The following PTPRD variants were observed in gnomAD, a reference collection of about 807,000 sequenced individuals.
The protein encoded by PTPRD is receptor-type tyrosine-protein phosphatase delta.
A neutral mutation model predicts 214.5 loss-of-function variants in PTPRD; 34 were observed. The ratio of observed to expected loss-of-function variants is 0.16; its 90% confidence interval spans 0.12 to 0.21. The LOEUF (loss-of-function observed/expected upper bound fraction) is 0.21, where lower values mean the gene tolerates loss of function less well. Ranked by LOEUF, PTPRD falls within the 10% of genes least tolerant of loss-of-function variation. PTPRD has a pLI of 1.00. For missense variants in PTPRD, 2,545 were observed against 2,398.7 expected (o/e 1.06, Z -1.27); for synonymous variants, 1,128 against 845.7 (o/e 1.33, Z -5.79).
At chr9:9,402,974 A>C (rs2071349066) in intron 8 of PTPRD, among the ~76,000 whole-genome samples, 3 of 145,258 alleles carry the variant, frequency 2.1e-5, no homozygotes, top group Non-Finnish European at 3.0e-5. Context: ...GAGAAAAAAA[A>C]AAAAAAAAAA....
chr9:9,981,748 G>C (rs1189866919), intron 4 of PTPRD, among the ~76,000 whole-genome samples: 1 of 152,050 alleles, frequency 6.6e-6, no homozygotes, highest in Admixed American at 6.6e-5. Context: ...CAGGAATGTG[G>C]AGATAAAATT....
intron 2 of PTPRD, among the ~76,000 whole-genome samples, chr9:10,429,742 G>A (rs1303517200): frequency 6.6e-6 from 1 of 151,186 alleles, no homozygotes; most frequent in East Asian, 2.0e-4. Flanking sequence ...GGGGGCTAAG[G>A]GGAGTGGAAG....
intron 10 of PTPRD, among the ~76,000 whole-genome samples, chr9:9,123,554 T>C (rs972143915): frequency 3.3e-5 from 5 of 152,200 alleles, no homozygotes; most frequent in South Asian, 2.1e-4. Context: ...ATTTTTTTTT[T>C]CCAATGGCAT....
At chr9:10,123,640 A>G (rs545254862) in intron 3 of PTPRD, among the ~76,000 whole-genome samples, 3 of 152,332 alleles carry the variant, frequency 2.0e-5, no homozygotes, top group South Asian at 2.1e-4. Flanking sequence ...AAGATGAGGG[A>G]AAAACGTGGG....
At chr9:9,481,727 T>G (rs2095423239) in intron 8 of PTPRD, among the ~76,000 whole-genome samples, 1 of 152,080 alleles carries the variant, frequency 6.6e-6, no homozygotes, top group Non-Finnish European at 1.5e-5. Context: ...GTGCTGGCGT[T>G]CAGTTCTATT....
At position 9,702,725 on chromosome 9, in the gene PTPRD, T is replaced by C. The variant is rs527824738; in HGVS notation, c.-287+31808A>G. ...TGACATAGAAATGGTAGTAACTAAT[T>C]ATGTGTTTATAGAAGTGGAAATGCA... is the stretch of plus-strand genomic sequence containing the variant. On this transcript the variant is annotated intron_variant, in intron 7 of 45. Transcript: ENST00000381196. 8.5e-5 allele frequency among the ~76,000 whole-genome samples: 13 copies of C among 152,208 alleles called. No individual in the cohort carries two copies. In the South Asian group the frequency reaches 2.5e-3, roughly 29 times the overall value.
chr9:8,777,800 G>A (rs917688422), intron 11 of PTPRD, among the ~76,000 whole-genome samples: 5 of 152,092 alleles, frequency 3.3e-5, no homozygotes, highest in African/African-American at 1.2e-4. Flanking sequence ...ATGATCCTAT[G>A]GGACCTAATT....
At chr9:8,932,532 G>A (rs1047779832) in intron 11 of PTPRD, among the ~76,000 whole-genome samples, 1 of 152,170 alleles carries the variant, frequency 6.6e-6, no homozygotes, top group Non-Finnish European at 1.5e-5. Context: ...ATAAGTCCCT[G>A]ACTGTGGCTG....
rs188044460 is a variant in PTPRD, at chr9:8,376,501, T to C, written c.4506+106A>G. ...TCTATTTCATTCTTCACTGTTGCCA[T>C]TGAGATCAAGATTTAAGTAAAGCCT... On this transcript the variant is annotated intron_variant, in intron 38 of 45. Coordinates refer to ENST00000381196, the MANE Select transcript of PTPRD (RefSeq NM_002839.4). 1.7e-5 allele frequency: 25 copies of C among 1,506,232 alleles called. No individual in the cohort carries two copies. In the East Asian group the frequency reaches 2.1e-4, roughly 13 times the overall value. 93.3% of individuals were successfully genotyped at this position (1,506,232 alleles called of 1,614,324 possible).
chr9:8,636,607 T>C (rs2096443392), intron 13 of PTPRD, 92 bp downstream of exon 13: 2 of 1,463,806 alleles, frequency 1.4e-6, no homozygotes, highest in Non-Finnish European at 1.9e-6. Flanking sequence ...CAGTGACACC[T>C]TTTATCAGAG....
At chr9:9,510,246 AT>A (rs961879897) in intron 8 of PTPRD, among the ~76,000 whole-genome samples, 4 of 149,462 alleles carry the variant, frequency 2.7e-5, no homozygotes, top group Middle Eastern at 3.5e-3. Context: ...CATTAAAGTC[AT>A]TTTTTTTTCT....
intron 11 of PTPRD, among the ~76,000 whole-genome samples, chr9:8,888,590 C>T (rs1237122349): frequency 2.0e-5 from 3 of 152,198 alleles, no homozygotes; most frequent in African/African-American, 7.2e-5. Flanking sequence ...CAGTACCAGA[C>T]TACAACCTAA....
chr9:10,103,285 CTTGA>C (rs930545708), intron 3 of PTPRD, among the ~76,000 whole-genome samples: 11 of 150,094 alleles, frequency 7.3e-5, no homozygotes, highest in African/African-American at 2.2e-4. Context: ...CTATATATTT[CTTGA>C]TTATCACAAT....
intron 9 of PTPRD, among the ~76,000 whole-genome samples, chr9:9,314,811 T>C (rs1961640003): frequency 6.6e-6 from 1 of 152,084 alleles, no homozygotes; most frequent in Non-Finnish European, 1.5e-5. Context: ...ATTTACTCTG[T>C]TTTATTTATT....
chr9:9,741,580 T>C (rs1466877896), intron 6 of PTPRD, among the ~76,000 whole-genome samples: 1 of 152,134 alleles, frequency 6.6e-6, no homozygotes, highest in Non-Finnish European at 1.5e-5. Flanking sequence ...ACATTAGGTA[T>C]TTCTCCTAAT....
intron 2 of PTPRD, among the ~76,000 whole-genome samples, chr9:10,449,482 C>G (rs1053400712): frequency 2.7e-5 from 4 of 150,930 alleles, no homozygotes; most frequent in Non-Finnish European, 5.9e-5. Flanking sequence ...AGTGAGGAGC[C>G]TCTCTGCCTG....
chr9:9,092,834 C>G (rs1339077490), intron 10 of PTPRD, among the ~76,000 whole-genome samples: 1 of 151,606 alleles, frequency 6.6e-6, no homozygotes, highest in Non-Finnish European at 1.5e-5. Flanking sequence ...TCAACCATAC[C>G]AATAATTTCA....
chr9:8,825,441 G>GA (rs1249545336), intron 11 of PTPRD, among the ~76,000 whole-genome samples: 1 of 151,986 alleles, frequency 6.6e-6, no homozygotes, highest in African/African-American at 2.4e-5. Flanking sequence ...TTAAAATTCT[G>GA]AAAAAATGAG....
At chr9:8,524,874 C>T (rs372905778) in intron 18 of PTPRD, 51 bp downstream of exon 18, 1 of 1,507,726 alleles carries the variant, frequency 6.6e-7, no homozygotes, top group East Asian at 2.3e-5. Flanking sequence ...GGCGTCTCAA[C>T]TCCCCCTGAG....
Sources: allele counts gnomAD v4.1 joint callset (sites outside exome capture counted in the v4.1 genomes callset), GRCh38; gene constraint gnomAD v4.1.1; transcripts MANE v1.5; gene names NCBI Gene and HGNC (gene_info 2026-07-23, HGNC 2026-07-21).